HRNR: variants seen among roughly 807,000 people sequenced by gnomAD.
HRNR encodes the protein filaggrin family member 3.
In HRNR, 7 loss-of-function variants were observed where a neutral mutation model predicts 4.8. The ratio of observed to expected loss-of-function variants is 1.47; its 90% CI spans 0.83 to 2.75. The LOEUF is 2.75. HRNR is among the 30% of genes most tolerant of loss of function. The pLI is 0.00. For synonymous variants in HRNR, 1,023 were observed against 1,242.7 expected, an observed-to-expected ratio of 0.82 and a Z score of 3.72; for missense variants, 2,879 against 3,010.4, an observed-to-expected ratio of 0.96 and a Z score of 1.02.
At position 152,220,685 on chromosome 1, in the gene HRNR, C is replaced by T. The variant is rs1196197984; in HGVS notation, c.944G>A (p.Gly315Asp). ...GCCGTGGCTGGAGGAGTGCCCCGAA[C>T]CGGACCCATGTCGGACGTGGCTAGG... Reference protein sequence around the residue: ...QSPSHVRHGSGSGHSSSHGQH... With the variant: ...QSPSHVRHGSDSGHSSSHGQH... The change falls in exon 3 of 3, where the codon GGT (glycine) becomes GAT (aspartate). Residue 315 changes from glycine (G) to aspartate (D), a missense_variant. Coordinates refer to ENST00000368801, the MANE Select transcript of HRNR (RefSeq NM_001009931.3). 2.5e-6 allele frequency: 4 copies of T among 1,613,000 alleles called. No homozygotes were observed. The African/African-American group carries it at 5.3e-5, about 22-fold the overall frequency.
At position 152,218,688 on chromosome 1, in the gene HRNR, A is replaced by T. The variant is rs1381371921; in HGVS notation, c.2941T>A (p.Ser981Thr). ...EQHGSSSGSS[S>T]SYGQHGSGSR... ...CCAGACCCATGCTGACCATAGCTGG[A>T]AGACGAACCTGAGCTAGATCCATGT... Residue 981 changes from serine to threonine, a missense_variant, in exon 3 of 3, where the codon TCC (serine) becomes ACC (threonine). Around this residue, in one of 8 missense-constraint regions of HRNR, gnomAD observed 2,646 missense variants for 1,377.7 expected, o/e 1.92. Transcript: ENST00000368801. 6.2e-7 allele frequency: 1 copy of T among 1,613,372 alleles called. No homozygotes were observed. Among genetic ancestry groups the T allele is most frequent in the Non-Finnish European group, 8.5e-7 (1 of 1,179,954 alleles).
intron 2 of HRNR, 119 bp downstream of exon 2, chr1:152,222,997 C>T (rs766444947): frequency 2.9e-6 from 3 of 1,034,954 alleles, no homozygotes; most frequent in Non-Finnish European, 4.3e-6. Flanking sequence ...TTACCAAACC[C>T]TGTTCTCTCT....
intron 2 of HRNR, among the ~76,000 whole-genome samples, chr1:152,221,923 A>C (rs1454063605): frequency 6.6e-6 from 1 of 152,244 alleles, no homozygotes; most frequent in African/African-American, 2.4e-5. Flanking sequence ...GAGAGTATAA[A>C]GAAGTGAACA....
chr1:152,218,871 C>G lies in HRNR; in HGVS notation c.2758G>C (p.Gly920Arg). The change falls in exon 3 of 3, where the codon GGC becomes CGC. Residue 920 changes from glycine (G) to arginine (R), a missense_variant. Coordinates refer to ENST00000368801, the MANE Select transcript of HRNR (RefSeq NM_001009931.3). ...TGGCCTGAGCCAGACCCATGTCGGC[C>G]ACTGCTGGAAGACCGACCGGAGCCA... The part of the protein sequence containing the change: ...GSGSGRSSSS[G>R]RHGSGSGQSS... The G allele has an allele frequency of 3.7e-6, 6 of 1,613,894 alleles. No homozygotes were observed. Among genetic ancestry groups the G allele is most frequent in the Middle Eastern group, 1.6e-4 (1 of 6,062 alleles).
In HRNR at chr1:152,213,375, C is replaced by A. The variant is rs769289442; in HGVS notation, c.8254G>T (p.Gly2752Cys). The A allele has an allele frequency of 4.6e-5, 27 of 583,324 alleles. 10 individuals are homozygous for A. In the Admixed American group the frequency reaches 4.9e-4, roughly 11 times the overall value. The allele number at this position is 583,324 out of a possible 1,614,324, so 36.1% of individuals were successfully genotyped here. ...QSSSYGHRGSGSSQSSGYGRH... is the reference protein window; with the variant it reads ...QSSSYGHRGSCSSQSSGYGRH... ...CCATAGCCAGAAGACTGACTGGAGCCAGAGCCACGGTGGCCATAGCTGGAA... is the reference window on the plus strand; with the variant it reads ...CCATAGCCAGAAGACTGACTGGAGCAAGAGCCACGGTGGCCATAGCTGGAA... The change falls in exon 3 of 3, where the codon GGC becomes TGC. Residue 2752 changes from glycine (G) to cysteine (C), a missense_variant. Physicochemically the swap from Gly to Cys is radical, Grantham distance 159. Around this residue, in one of 8 missense-constraint regions of HRNR, gnomAD observed 158 missense variants for 107.6 expected, o/e 1.47. Coordinates refer to ENST00000368801, the MANE Select transcript of HRNR (RefSeq NM_001009931.3).
rs764318864 is a variant in HRNR at position 152,219,031 on chromosome 1, G to C, written c.2598C>G (p.Ser866Arg). 3.1e-6 allele frequency: 5 copies of C among 1,613,970 alleles called. No individual in the cohort carries two copies. Among genetic ancestry groups the C allele is most frequent in the African/African-American group, 2.7e-5 (2 of 74,904 alleles). Residue 866 changes from serine (S) to arginine (R), a missense_variant, in exon 3 of 3, where the codon AGC becomes AGG. This residue lies in a region of HRNR where 2,646 missense variants were observed against 1,377.7 expected (regional missense o/e 1.92). Coordinates refer to ENST00000368801, the MANE Select transcript of HRNR (RefSeq NM_001009931.3). ...GGGAGGCAGACTCATGCTGACCATAGCTGGAAGATTGACCTGAGCTAGAGT... is the reference window on the plus strand; with the variant it reads ...GGGAGGCAGACTCATGCTGACCATACCTGGAAGATTGACCTGAGCTAGAGT... ...QHDSSSGQSS[S>R]YGQHESASHH...
Position 152,213,099 on chromosome 1 carries a change from G to A in HRNR, c.8530C>T (p.Gln2844Ter), listed in dbSNP as rs373168731. The change falls in exon 3 of 3, where the codon CAG becomes TAG. Residue 2844 changes from glutamine to a stop codon, truncating the protein, a stop_gained. Coordinates refer to ENST00000368801, the MANE Select transcript of HRNR (RefSeq NM_001009931.3). LOFTEE classifies it low-confidence loss of function (END_TRUNC). ...STSPYEYVQE[Q>*]RCYFYQ ...ATTCACTGATAAAAGTAGCACCTCT[G>A]CTCTTGGACATATTCATAGGGTGAA... 2.7e-5 allele frequency: 44 copies of A among 1,613,374 alleles called. No individual in the cohort carries two copies. In the African/African-American group the frequency reaches 5.5e-4, roughly 20 times the overall value.
rs150381770 is a variant in HRNR, at chr1:152,219,341, G to A, written c.2288C>T (p.Ser763Leu). 410 of 1,613,734 alleles carry A rather than the reference G, an allele frequency of 2.5e-4. 2 individuals are homozygous for A. The highest frequency in any genetic ancestry group is 1.6e-3 in the South Asian group (143 of 91,058). Residue 763 changes from serine to leucine, a missense_variant, in exon 3 of 3, where the codon TCG becomes TTG. Around this residue, in one of 8 missense-constraint regions of HRNR, gnomAD observed 2,646 missense variants for 1,377.7 expected, o/e 1.92. Transcript: ENST00000368801. ...GQHGSGSHQS[S>L]GHGRQGSGSG... ...TCCAGACCCTTGTCGGCCGTGGCCC[G>A]AAGATTGATGGGAGCCCGACCCATG...
Position 152,218,962 on chromosome 1 carries a change from C to T in HRNR, c.2667G>A (p.Gln889=), listed in dbSNP as rs771978471. 1.2e-6 allele frequency: 2 copies of T among 1,613,814 alleles called. No individual in the cohort carries two copies. The highest frequency in any genetic ancestry group is 1.7e-6 in the Non-Finnish European group (2 of 1,179,944). ...ACCCACGCTGGCCGTGGCCTGGAGA[C>T]TGGCCAGATCCAGAGCCATGTCGGC... ...GRGRHGSGSG[Q]SPGHGQRGSG... Residue 889 remains glutamine (Q), a synonymous_variant, in exon 3 of 3, where the codon CAG becomes CAA. Transcript: ENST00000368801.
chr1:152,219,011 G>T lies in HRNR; in HGVS notation c.2618C>A (p.Ala873Asp). The change falls in exon 3 of 3, where the codon GCC becomes GAC. Residue 873 changes from alanine to aspartate, a missense_variant. Coordinates refer to ENST00000368801, the MANE Select transcript of HRNR (RefSeq NM_001009931.3). ...QSSSYGQHES[A>D]SHHASGRGRH... is the part of the protein sequence containing the mutation. ...GCCGCGGCCCGAAGCGTGATGGGAG[G>T]CAGACTCATGCTGACCATAGCTGGA... 4 of 1,612,382 alleles carry T rather than the reference G, an allele frequency of 2.5e-6. No homozygotes were observed. The highest frequency in any genetic ancestry group is 3.4e-6 in the Non-Finnish European group (4 of 1,179,524).
rs150593074 is a variant in HRNR, at chr1:152,223,232, C to T, written c.22G>A (p.Val8Ile). Reference protein sequence around the residue: MPKLLQGVITVIDVFYQY... With the variant: MPKLLQGIITVIDVFYQY... ...TAGAAAACATCGATGACAGTGATGACGCCTTGTAGGAGTTTAGGCATTTTT... is the reference window on the plus strand; with the variant it reads ...TAGAAAACATCGATGACAGTGATGATGCCTTGTAGGAGTTTAGGCATTTTT... Residue 8 changes from valine (V) to isoleucine (I), a missense_variant, in exon 2 of 3, where the codon GTC becomes ATC. This residue lies in a region of HRNR where 2,646 missense variants were observed against 1,377.7 expected (regional missense o/e 1.92). Transcript: ENST00000368801. The T allele has an allele frequency of 6.4e-5, 102 of 1,596,740 alleles. No homozygotes were observed. Among genetic ancestry groups the T allele is most frequent in the African/African-American group, 6.0e-4 (42 of 70,484 alleles).
In HRNR at chr1:152,212,995, C is replaced by G; in HGVS notation, c.*81G>C. 2.0e-6 allele frequency: 3 copies of G among 1,524,646 alleles called. No homozygotes were observed. The highest frequency in any genetic ancestry group is 1.3e-5 in the South Asian group (1 of 75,660). The allele number at this position is 1,524,646 out of a possible 1,614,324, so 94.4% of individuals were successfully genotyped here. A position where few individuals can be genotyped will look rare whatever the true frequency, so the allele number is the denominator to read the frequency against. ...TTAGAACGAATTTCATGATGGATTG[C>G]TTGTCTTTCATGATGAATTCATAGA... On this transcript the variant is annotated 3_prime_UTR_variant, in exon 3 of 3. Transcript: ENST00000368801.
Position 152,220,904 on chromosome 1 carries a change from G to C in HRNR, c.725C>G (p.Ser242Cys), listed in dbSNP as rs771839943. 116 of 1,614,066 alleles carry C rather than the reference G, an allele frequency of 7.2e-5. 3 individuals are homozygous for C. In the South Asian group the frequency reaches 1.2e-3, roughly 17 times the overall value. The change falls in exon 3 of 3, where the codon TCT becomes TGT. Residue 242 changes from serine to cysteine, a missense_variant. Physicochemically the swap from Ser to Cys is moderately radical, Grantham distance 112. Coordinates refer to ENST00000368801, the MANE Select transcript of HRNR (RefSeq NM_001009931.3). ...SQHKSSSGQS[S>C]GYSQHGSGSG... Reference sequence around the variant, plus strand: ...GCCAGATCCATGCTGACTGTAACCAGAGGACTGCCCTGAGCTAGACTTGTG... The same window carrying C: ...GCCAGATCCATGCTGACTGTAACCACAGGACTGCCCTGAGCTAGACTTGTG...
chr1:152,213,131 C>T lies in HRNR; in HGVS notation c.8498G>A (p.Ser2833Asn), dbSNP rs745868532. The T allele has an allele frequency of 5.6e-6, 9 of 1,613,982 alleles. No homozygotes were observed. The highest frequency in any genetic ancestry group is 7.6e-6 in the Non-Finnish European group (9 of 1,180,020). ...SSGSYFLSFPSSTSPYEYVQE... is the reference protein window; with the variant it reads ...SSGSYFLSFPNSTSPYEYVQE... ...GACATATTCATAGGGTGAAGTGCTA[C>T]TAGGAAAACTGAGAAAATATGAGCC... Residue 2833 changes from serine (S) to asparagine (N), a missense_variant, in exon 3 of 3, where the codon AGT (serine) becomes AAT (asparagine). Coordinates refer to ENST00000368801, the MANE Select transcript of HRNR (RefSeq NM_001009931.3).
At position 152,218,616 on chromosome 1, in the gene HRNR, G is replaced by T. The variant is rs772134805; in HGVS notation, c.3013C>A (p.Gln1005Lys). 35 of 1,612,056 alleles carry T rather than the reference G, an allele frequency of 2.2e-5. 1 individual carries two copies. The highest frequency in any genetic ancestry group is 2.7e-5 in the Non-Finnish European group (32 of 1,179,646). Residue 1005 changes from glutamine to lysine, a missense_variant, in exon 3 of 3, where the codon CAG becomes AAG. Physicochemically the swap from Gln to Lys is moderately conservative, Grantham distance 53. Coordinates refer to ENST00000368801, the MANE Select transcript of HRNR (RefSeq NM_001009931.3). Reference protein sequence around the residue: ...GHGQHGSGSGQSPSPSRGRHG... With the variant: ...GHGQHGSGSGKSPSPSRGRHG... The stretch of plus-strand genomic sequence containing the variant: ...CGGCCACGGCTAGGGCTAGGAGACT[G>T]GCCAGATCCAGACCCATGTTGGCCG...
rs762513544 is a variant in HRNR at position 152,218,868 on chromosome 1, G to A, written c.2761C>T (p.Arg921Ter). Residue 921 changes from arginine to a stop codon, truncating the protein, a stop_gained, in exon 3 of 3, where the codon CGA (arginine) becomes TGA (stop). Coordinates refer to ENST00000368801, the MANE Select transcript of HRNR (RefSeq NM_001009931.3). LOFTEE classifies it low-confidence loss of function (END_TRUNC). Reference sequence around the variant, plus strand: ...GACTGGCCTGAGCCAGACCCATGTCGGCCACTGCTGGAAGACCGACCGGAG... The same window carrying A: ...GACTGGCCTGAGCCAGACCCATGTCAGCCACTGCTGGAAGACCGACCGGAG... ...SGSGRSSSSG[R>*]HGSGSGQSSG... 2.2e-5 allele frequency: 35 copies of A among 1,613,804 alleles called. No homozygotes were observed. The highest frequency in any genetic ancestry group is 6.7e-5 in the African/African-American group (5 of 74,854).
At position 152,219,549 on chromosome 1, in the gene HRNR, C is replaced by G. The variant is rs138452737; in HGVS notation, c.2080G>C (p.Val694Leu). Residue 694 changes from valine to leucine, a missense_variant, in exon 3 of 3, where the codon GTC becomes CTC. Around this residue, in one of 8 missense-constraint regions of HRNR, gnomAD observed 2,646 missense variants for 1,377.7 expected, o/e 1.92. Transcript: ENST00000368801. ...WSSSNGPHGS[V>L]SGQSSGFGHK... ...CCAAAGCCGGAAGACTGGCCTGAGA[C>G]AGACCCATGTGGGCCATTGCTTGAA... 3.0e-4 allele frequency: 486 copies of G among 1,613,718 alleles called. No homozygotes were observed. The highest frequency in any genetic ancestry group is 4.0e-4 in the Non-Finnish European group (471 of 1,179,988).
In HRNR at chr1:152,220,029, C is replaced by A; in HGVS notation, c.1600G>T (p.Gly534Trp). 1 of 1,613,830 alleles carries A rather than the reference C, an allele frequency of 6.2e-7. No individual in the cohort carries two copies. Among genetic ancestry groups the A allele is most frequent in the Non-Finnish European group, 8.5e-7 (1 of 1,179,922 alleles). The change falls in exon 3 of 3, where the codon GGG (glycine) becomes TGG (tryptophan). Residue 534 changes from glycine (G) to tryptophan (W), a missense_variant. Gly to Trp is a radical substitution (Grantham distance 184). Coordinates refer to ENST00000368801, the MANE Select transcript of HRNR (RefSeq NM_001009931.3). ...SRQSLGHSRH[G>W]SGSGQSPSPS... is the part of the protein sequence containing the mutation. ...CTAGGAGACTGGCCAGATCCAGACC[C>A]ATGTCGGCTGTGTCCCAAAGATTGA...
At chr1:152,222,578 G>A (rs1370803867) in intron 2 of HRNR, among the ~76,000 whole-genome samples, 1 of 152,152 alleles carries the variant, frequency 6.6e-6, no homozygotes, top group Non-Finnish European at 1.5e-5. Flanking sequence ...TGGGCAAAAA[G>A]ATGAAGGAAA....
Sources: gnomAD v4.1 joint callset for allele counts (sites outside exome capture counted in the v4.1 genomes callset) on GRCh38, gnomAD v4.1.1 for gene constraint, gnomAD v4.1.1 regional missense constraint, MANE v1.5 for transcripts, NCBI Gene and HGNC (gene_info 2026-07-23, HGNC 2026-07-21) for gene names.